Variants in ANKRD40 observed in about 807,000 individuals in gnomAD.
ANKRD40 encodes the protein ankyrin repeat domain 40.
A neutral mutation model predicts 35.5 loss-of-function variants in ANKRD40; 24 were observed. That is an observed-to-expected ratio of 0.68 (90% CI 0.49 to 0.95). The LOEUF is 0.95. ANKRD40 is among the 40% of genes least tolerant of loss of function. The probability of loss-of-function intolerance (pLI) is 0.00; values close to 1 mark genes in which losing one functional copy is unlikely to be tolerated. For missense variants in ANKRD40, 361 were observed against 436.0 expected (o/e 0.83, Z 1.53); for synonymous variants, 147 against 173.5 (o/e 0.85, Z 1.20).
chr17:50,703,536 T>C (rs1424239969), intron 1 of ANKRD40, among the ~76,000 whole-genome samples: 2 of 152,112 alleles, frequency 1.3e-5, no homozygotes. Flanking sequence ...ACATCTAAAC[T>C]AAAATCTGAA....
chr17:50,699,776 G>A lies in ANKRD40; in HGVS notation c.401C>T (p.Thr134Ile), dbSNP rs765827384. The A allele has an allele frequency of 4.4e-6, 7 of 1,604,050 alleles. No individual in the cohort carries two copies. The highest frequency in any genetic ancestry group is 4.5e-5 in the East Asian group (2 of 44,694). Residue 134 changes from threonine (T) to isoleucine (I), a missense_variant, in exon 3 of 5, where the codon ACA becomes ATA. Around this residue, in one of 5 missense-constraint regions of ANKRD40, gnomAD observed 172 missense variants for 174.0 expected, o/e 0.99. Coordinates refer to ENST00000285243, the MANE Select transcript of ANKRD40 (RefSeq NM_052855.4). ...CTGGGCTGAATCCTCTGCTGTGGGTGTATAGATAAAAGGGAAGGCTGGGTT... is the reference window on the plus strand; with the variant it reads ...CTGGGCTGAATCCTCTGCTGTGGGTATATAGATAAAAGGGAAGGCTGGGTT... The part of the protein sequence containing the change: ...LANPAFPFIY[T>I]PTAEDSAQMQ...
rs1968350937 is a variant in ANKRD40 at position 50,707,220 on chromosome 17, A to G, written c.134+301T>C. 2.0e-5 allele frequency among the ~76,000 whole-genome samples: 3 copies of G among 152,272 alleles called. No individual in the cohort carries two copies. In the South Asian group the frequency reaches 6.2e-4, roughly 32 times the overall value. Reference sequence around the variant, plus strand: ...CTCCAACGCATAGTCGCTGAGAATCACTGCCTCCAGCACCGCTCTGACCAA... The same window carrying G: ...CTCCAACGCATAGTCGCTGAGAATCGCTGCCTCCAGCACCGCTCTGACCAA... On this transcript the variant is annotated intron_variant, in intron 1 of 4. Transcript: ENST00000285243. This position sits in a 1 kb window ranked among gnomAD's most constrained non-coding sequence, Gnocchi z 4.8.
chr17:50,699,725 G>T lies in ANKRD40; in HGVS notation c.452C>A (p.Pro151His). ...GCCATCTGCAGGGGGTGATGCAGGG[G>T]GTGTGGAGGGGCCCCCATTCTGCAT... Reference protein sequence around the residue: ...AQMQNGGPSTPPASPPADGSP... With the variant: ...AQMQNGGPSTHPASPPADGSP... Residue 151 changes from proline to histidine, a missense_variant, in exon 3 of 5, where the codon CCC (proline) becomes CAC (histidine). Transcript: ENST00000285243. 6.2e-7 allele frequency: 1 copy of T among 1,613,032 alleles called. No homozygotes were observed. Among genetic ancestry groups the T allele is most frequent in the Non-Finnish European group, 8.5e-7 (1 of 1,179,218 alleles).
At chr17:50,698,421 T>C (rs764033948) in intron 3 of ANKRD40, among the ~76,000 whole-genome samples, 14 of 152,096 alleles carry the variant, frequency 9.2e-5, no homozygotes, top group Non-Finnish European at 1.9e-4. Flanking sequence ...AATACTGATA[T>C]GAATGAAGGA....
chr17:50,699,637 G>A lies in ANKRD40; in HGVS notation c.540C>T (p.Thr180=), dbSNP rs749200510. The change falls in exon 3 of 5, where the codon ACC becomes ACT. Residue 180 remains threonine (T), a synonymous_variant. Transcript: ENST00000285243. ...PLLGTFPRDH[T]SLALVQNGDV... The stretch of plus-strand genomic sequence containing the variant: ...CACCATTCTGAACTAGTGCCAAAGA[G>A]GTGTGGTCCCGGGGAAAGGTCCCTA... The A allele has an allele frequency of 5.6e-6, 9 of 1,614,178 alleles. No individual in the cohort carries two copies. In the Admixed American group the frequency reaches 1.5e-4, roughly 27 times the overall value.
chr17:50,698,178 C>G (rs985348259), intron 3 of ANKRD40, among the ~76,000 whole-genome samples: 3 of 151,656 alleles, frequency 2.0e-5, no homozygotes, highest in African/African-American at 7.3e-5. Flanking sequence ...ACCAGGGCTT[C>G]TTGGAGAAAT....
chr17:50,704,430 C>G, intron 1 of ANKRD40, among the ~76,000 whole-genome samples: 1 of 149,048 alleles, frequency 6.7e-6, no homozygotes, highest in Non-Finnish European at 1.5e-5. Context: ...GCAGGAGAAT[C>G]GCTTGAACCC....
chr17:50,698,554 A>G (rs918472463), intron 3 of ANKRD40, among the ~76,000 whole-genome samples: 1 of 152,204 alleles, frequency 6.6e-6, no homozygotes, highest in African/African-American at 2.4e-5. Context: ...CAAAAATGAT[A>G]AAGGGTAAAG....
chr17:50,700,233 C>T (rs1217785311), intron 2 of ANKRD40: 5 of 256,766 alleles, frequency 1.9e-5, no homozygotes, highest in Non-Finnish European at 3.7e-5. Context: ...CACCTGAGGT[C>T]GGGAGTTTGA....
chr17:50,704,721 C>T (rs1368246610), intron 1 of ANKRD40, among the ~76,000 whole-genome samples: 4 of 152,100 alleles, frequency 2.6e-5, no homozygotes, highest in Admixed American at 6.6e-5. Flanking sequence ...AAACAACTTA[C>T]GGTTTCTGGG....
At chr17:50,704,515 C>CAAAAA (rs892783050) in intron 1 of ANKRD40, among the ~76,000 whole-genome samples, 6 of 40,198 alleles carry the variant, frequency 1.5e-4, no homozygotes, top group African/African-American at 4.4e-4. Flanking sequence ...AACTCCATCT[C>CAAAAA]AAAAAAAAAA....
chr17:50,702,399 C>CA (rs201226718), intron 1 of ANKRD40, among the ~76,000 whole-genome samples: 42,244 of 140,130 alleles, frequency 0.3, 6,098 homozygotes, highest in Middle Eastern at 0.36. Flanking sequence ...GACTCCATCT[C>CA]AAAAAAAAAA....
intron 3 of ANKRD40, 102 bp downstream of exon 3, chr17:50,699,297 G>C: frequency 6.9e-7 from 1 of 1,446,088 alleles, no homozygotes; most frequent in Non-Finnish European, 9.4e-7. Context: ...GTCATGTAAC[G>C]TTTCTGTAAG....
chr17:50,698,987 A>AG, intron 3 of ANKRD40, among the ~76,000 whole-genome samples: 1 of 118,254 alleles, frequency 8.5e-6, no homozygotes, highest in African/African-American at 3.0e-5. Context: ...TAAAAATACA[A>AG]AAAAAAAAAA....
rs200713460 is a variant in ANKRD40 at position 50,699,852 on chromosome 17, G to A, written c.325C>T (p.Pro109Ser). 1 of 1,519,514 alleles carries A rather than the reference G, an allele frequency of 6.6e-7. No individual in the cohort carries two copies. The highest frequency in any genetic ancestry group is 2.2e-5 in the Admixed American group (1 of 44,736). The allele number at this position is 1,519,514 out of a possible 1,614,324, so 94.1% of individuals were successfully genotyped here. The change falls in exon 3 of 5, where the codon CCC (proline) becomes TCC (serine). Residue 109 changes from proline (P) to serine (S), a missense_variant. Pro to Ser is a moderately conservative substitution (Grantham distance 74, BLOSUM62 -1). Around this residue, in one of 5 missense-constraint regions of ANKRD40, gnomAD observed 172 missense variants for 174.0 expected, o/e 0.99. Coordinates refer to ENST00000285243, the MANE Select transcript of ANKRD40 (RefSeq NM_052855.4). ...DDDDDDDDNL[P>S]QLKKESELPF... ...AGTTCTGACTCCTTCTTCAGCTGGG[G>A]GAGGTTGTCATCATCATCATCATCA... is the stretch of plus-strand genomic sequence containing the variant.
rs766497632 is a variant in ANKRD40, at chr17:50,699,467, G to A, written c.710C>T (p.Thr237Met). The A allele has an allele frequency of 1.4e-5, 22 of 1,614,064 alleles. No homozygotes were observed. The highest frequency in any genetic ancestry group is 6.7e-5 in the Admixed American group (4 of 60,010). The change falls in exon 3 of 5, where the codon ACG becomes ATG. Residue 237 changes from threonine (T) to methionine (M), a missense_variant. Transcript: ENST00000285243. The part of the protein sequence containing the change: ...PPMSLEPQNG[T>M]YAGPAPAFQP... ...GAATGCTGGCGCTGGTCCTGCATAC[G>A]TCCCATTTTGAGGCTCCAGAGACAT...
intron 3 of ANKRD40, among the ~76,000 whole-genome samples, chr17:50,698,411 A>G (rs562291079): frequency 6.6e-6 from 1 of 152,206 alleles, no homozygotes; most frequent in Non-Finnish European, 1.5e-5. Context: ...TATATGAGTC[A>G]ATACTGATAT....
chr17:50,704,069 C>A (rs925785905), intron 1 of ANKRD40, among the ~76,000 whole-genome samples: 1 of 151,692 alleles, frequency 6.6e-6, no homozygotes, highest in East Asian at 1.9e-4. Flanking sequence ...AAGCAGGAGG[C>A]AAGCAGGGTG....
At chr17:50,701,535 TGTA>T (rs1183867898) in intron 1 of ANKRD40, among the ~76,000 whole-genome samples, 1 of 152,220 alleles carries the variant, frequency 6.6e-6, no homozygotes, top group Non-Finnish European at 1.5e-5. Context: ...ATTTTAATAC[TGTA>T]CAGAAACATA....
Sources: allele counts gnomAD v4.1 joint callset (sites outside exome capture counted in the v4.1 genomes callset), GRCh38; gene constraint gnomAD v4.1.1; regional missense constraint gnomAD v4.1.1; non-coding constraint Gnocchi (gnomAD v3.1); transcripts MANE v1.5; gene names NCBI Gene and HGNC (gene_info 2026-07-23, HGNC 2026-07-21).